Variants in SDHB observed in about 807,000 individuals in gnomAD.
SDHB encodes the protein succinate dehydrogenase complex iron sulfur subunit B.
A neutral mutation model predicts 39.7 loss-of-function variants in SDHB; 21 were observed. The observed-to-expected ratio is 0.53, with a 90% CI of 0.37 to 0.76. SDHB has a LOEUF of 0.76. Ranked by LOEUF, SDHB falls within the 30% of genes least tolerant of loss-of-function variation. The pLI, the probability that SDHB is intolerant of heterozygous loss-of-function variation, is 0.00. For missense variants in SDHB, 343 were observed against 350.9 expected, an observed-to-expected ratio of 0.98 and a Z score of 0.18; for synonymous variants, 118 against 117.0, an observed-to-expected ratio of 1.01 and a Z score of -0.06.
intron 5 of SDHB, among the ~76,000 whole-genome samples, chr1:17,024,977 C>G (rs2077983659): frequency 6.6e-6 from 1 of 152,176 alleles, no homozygotes; most frequent in South Asian, 2.1e-4. Context: ...ACTGGCCCCA[C>G]TGGTCTAGAA....
intron 5 of SDHB, 93 bp from the exon 6 acceptor site, chr1:17,024,167 T>G: frequency 1.2e-6 from 1 of 834,366 alleles, no homozygotes; most frequent in South Asian, 1.4e-5. Flanking sequence ...GGTCAGTGCA[T>G]GAACAAAGTG....
At chr1:17,020,670 A>C (rs1026733302) in intron 7 of SDHB, among the ~76,000 whole-genome samples, 1 of 152,230 alleles carries the variant, frequency 6.6e-6, no homozygotes, top group Non-Finnish European at 1.5e-5. Flanking sequence ...TTTTTTTAAA[A>C]AATAACATAA....
chr1:17,052,487 A>G lies in SDHB; in HGVS notation c.72+1461T>C, dbSNP rs555572652. 4 of 152,340 alleles carry G rather than the reference A, an allele frequency of 2.6e-5. No homozygotes were observed. In the South Asian group the frequency reaches 8.3e-4, roughly 32 times the overall value. 9.4% of individuals were successfully genotyped at this position (152,340 alleles called of 1,614,324 possible). A position where few individuals can be genotyped will look rare whatever the true frequency, so the allele number is the denominator to read the frequency against. ...TTGCCTGGAATTACAAAAATGACCT[A>G]TGAAATTAGCCTTTTCTACAATGCA... On this transcript the variant is annotated intron_variant, in intron 1 of 7. Transcript: ENST00000375499.
At chr1:17,021,001 G>C (rs1303812110) in intron 7 of SDHB, among the ~76,000 whole-genome samples, 2 of 152,190 alleles carry the variant, frequency 1.3e-5, no homozygotes, top group Admixed American at 6.5e-5. Context: ...GCCGCCCACT[G>C]ACTCACTGCA....
rs1010439276 is a variant in SDHB at position 17,045,038 on chromosome 1, A to T, written c.73-150T>A. 1.7e-5 allele frequency: 12 copies of T among 712,200 alleles called. No homozygotes were observed. In the African/African-American group the frequency reaches 2.0e-4, roughly 12 times the overall value. The allele number at this position is 712,200 out of a possible 1,614,324, so 44.1% of individuals were successfully genotyped here. On this transcript the variant is annotated intron_variant, in intron 1 of 7. Transcript: ENST00000375499. ...AGAAAAGGCAGGCATTCAATATCCA[A>T]CAAGTATTAAGCACCTATCATATGC...
chr1:17,053,160 G>A (rs1260855414), intron 1 of SDHB, among the ~76,000 whole-genome samples: 2 of 152,100 alleles, frequency 1.3e-5, no homozygotes. Flanking sequence ...TAGAAGGCAG[G>A]TCAGAAATGT....
intron 1 of SDHB, among the ~76,000 whole-genome samples, chr1:17,045,963 G>A (rs1471730275): frequency 6.6e-6 from 1 of 152,278 alleles, no homozygotes; most frequent in East Asian, 1.9e-4. Flanking sequence ...TTCGTCTTCT[G>A]TTGCTTTGCT....
intron 6 of SDHB, 133 bp downstream of exon 6, chr1:17,023,840 C>T (rs970302147): frequency 1.4e-6 from 1 of 720,920 alleles, no homozygotes. Context: ...CAACCAATTA[C>T]CCTGTTTGGA....
intron 7 of SDHB, among the ~76,000 whole-genome samples, chr1:17,021,273 G>A (rs1048035153): frequency 1.3e-5 from 2 of 152,230 alleles, no homozygotes; most frequent in Non-Finnish European, 2.9e-5. Context: ...ATAGGAGTAA[G>A]TTCCTGATAA....
At chr1:17,021,751 A>C (rs2077963095) in intron 7 of SDHB, among the ~76,000 whole-genome samples, 1 of 144,332 alleles carries the variant, frequency 6.9e-6, no homozygotes, top group Non-Finnish European at 1.5e-5. Context: ...CTCTGTCTCC[A>C]AAAAAAAAAA....
chr1:17,026,007 C>G (rs2077989403), intron 5 of SDHB, among the ~76,000 whole-genome samples: 1 of 152,298 alleles, frequency 6.6e-6, no homozygotes, highest in South Asian at 2.1e-4. Flanking sequence ...ATATGAAACC[C>G]CAAACACTGA....
Position 17,018,869 on chromosome 1 carries a change from G to A in SDHB, c.*12C>T, listed in dbSNP as rs1017057989. 1.3e-6 allele frequency: 2 copies of A among 1,583,992 alleles called. No homozygotes were observed. The highest frequency in any genetic ancestry group is 1.3e-5 in the African/African-American group (1 of 74,226). ...CTGAGCTGGTTATAAATCATGTTTA[G>A]CATGGAAACAGTTAAACTGAAGCTT... On this transcript the variant is annotated 3_prime_UTR_variant, in exon 8 of 8. Transcript: ENST00000375499.
At chr1:17,037,198 A>C (rs2078054908) in intron 2 of SDHB, among the ~76,000 whole-genome samples, 1 of 152,196 alleles carries the variant, frequency 6.6e-6, no homozygotes, top group Admixed American at 6.5e-5. Flanking sequence ...ATAATAAAAA[A>C]CTAAACTACA....
chr1:17,041,023 A>C (rs2078077322), intron 2 of SDHB, among the ~76,000 whole-genome samples: 1 of 152,080 alleles, frequency 6.6e-6, no homozygotes, highest in African/African-American at 2.4e-5. Flanking sequence ...CCAGCTACTC[A>C]GGAGGCTGAG....
intron 1 of SDHB, among the ~76,000 whole-genome samples, chr1:17,046,866 T>C (rs2078112992): frequency 6.6e-6 from 1 of 152,020 alleles, no homozygotes; most frequent in South Asian, 2.1e-4. Flanking sequence ...TACAGGCATG[T>C]GCTACCAGGC....
intron 5 of SDHB, chr1:17,027,517 C>T (rs773879449): frequency 2.3e-5 from 12 of 532,600 alleles, no homozygotes; most frequent in Admixed American, 1.9e-4. Flanking sequence ...AGCAACCACC[C>T]GCCCCTGCAG....
intron 1 of SDHB, among the ~76,000 whole-genome samples, chr1:17,052,763 G>A (rs2078156013): frequency 6.6e-6 from 1 of 152,124 alleles, no homozygotes. Context: ...TTGGAACATG[G>A]GCAATATGTA....
At chr1:17,029,101 T>TTG (rs1239370611) in intron 3 of SDHB, among the ~76,000 whole-genome samples, 4 of 140,262 alleles carry the variant, frequency 2.9e-5, no homozygotes, top group Non-Finnish European at 6.2e-5. Flanking sequence ...CTGTTTTTTT[T>TTG]TTTTTTTTTT....
At chr1:17,025,691 A>G (rs146187547) in intron 5 of SDHB, among the ~76,000 whole-genome samples, 282 of 152,360 alleles carry the variant, frequency 1.9e-3, no homozygotes, top group African/African-American at 6.5e-3. Context: ...GGGCTGCCCA[A>G]TTAAAAATAA....
Sources: gnomAD v4.1 joint callset for allele counts (sites outside exome capture counted in the v4.1 genomes callset) on GRCh38, gnomAD v4.1.1 for gene constraint, MANE v1.5 for transcripts, NCBI Gene and HGNC (gene_info 2026-07-23, HGNC 2026-07-21) for gene names.